UGT2B4: variants seen among roughly 807,000 people sequenced by gnomAD.
UGT2B4 encodes UDP-glucuronosyltransferase 2B4.
Under a neutral mutation model 49.8 loss-of-function variants are expected in UGT2B4, and 49 were observed. The observed-to-expected ratio is 0.98, with a 90% confidence interval of 0.78 to 1.25. The LOEUF is 1.25. Ranked by LOEUF, UGT2B4 falls within the 50% of genes most tolerant of loss-of-function variation. The pLI, the probability that UGT2B4 is intolerant of heterozygous loss-of-function variation, is 0.00. For synonymous variants in UGT2B4, 246 were observed against 217.7 expected, an observed-to-expected ratio of 1.13 and a Z score of -1.14; for missense variants, 729 against 627.7, an observed-to-expected ratio of 1.16 and a Z score of -1.73.
chr4:69,501,581 T>G (rs754921534), intron 1 of UGT2B4, among the ~76,000 whole-genome samples: 28 of 152,098 alleles, frequency 1.8e-4, no homozygotes, highest in Non-Finnish European at 3.8e-4. Context: ...AGCAGACTGC[T>G]TTTTTAAGTG....
rs888967522 is a variant in UGT2B4, at chr4:69,493,632, T to A, written c.870+61A>T. 3 of 1,517,196 alleles carry A rather than the reference T, an allele frequency of 2.0e-6. No individual in the cohort carries two copies. The African/African-American group carries it at 4.3e-5, about 22-fold the overall frequency. The allele number at this position is 1,517,196 out of a possible 1,614,324, so 94.0% of individuals were successfully genotyped here. A position where few individuals can be genotyped will look rare whatever the true frequency, so the allele number is the denominator to read the frequency against. On this transcript the variant is annotated intron_variant, in intron 2 of 5. Transcript: ENST00000305107. ...TCCAGTGTAAGTCAAACACTTTGAA[T>A]GAATATAGAACCATTCGTACTGAAA...
chr4:69,488,738 C>G (rs1024294153), intron 3 of UGT2B4, among the ~76,000 whole-genome samples: 1 of 151,932 alleles, frequency 6.6e-6, no homozygotes, highest in South Asian at 2.1e-4. Flanking sequence ...ACAGGGTCCA[C>G]CCTCAGAGCA....
At chr4:69,510,105 G>A (rs929716062) in intron 1 of UGT2B4, among the ~76,000 whole-genome samples, 6 of 152,116 alleles carry the variant, frequency 3.9e-5, no homozygotes, top group Non-Finnish European at 8.8e-5. Context: ...TTATTTAAGA[G>A]ACTGACATTC....
intron 1 of UGT2B4, among the ~76,000 whole-genome samples, chr4:69,523,727 G>A (rs1290863776): frequency 6.6e-6 from 1 of 152,038 alleles, no homozygotes; most frequent in Non-Finnish European, 1.5e-5. Context: ...TTAAAGCCAG[G>A]CATTGACTTC....
chr4:69,480,453 T>C lies in UGT2B4; in HGVS notation c.*181A>G. On this transcript the variant is annotated 3_prime_UTR_variant, in exon 6 of 6. Transcript: ENST00000305107. ...TTGTTTTCCCTAATGTTTTCCTCCT[T>C]GACATGAAATATTTCTAATGGTTAA... is the stretch of plus-strand genomic sequence containing the variant. The C allele has an allele frequency of 1.2e-6, 1 of 862,828 alleles. No individual in the cohort carries two copies. Among genetic ancestry groups the C allele is most frequent in the Non-Finnish European group, 1.7e-6 (1 of 584,928 alleles). The allele number at this position is 862,828 out of a possible 1,614,324, so 53.4% of individuals were successfully genotyped here.
At chr4:69,519,504 C>T (rs577965152) in intron 1 of UGT2B4, among the ~76,000 whole-genome samples, 2 of 152,258 alleles carry the variant, frequency 1.3e-5, no homozygotes, top group South Asian at 2.1e-4. Flanking sequence ...ATCTATCTTT[C>T]TGTGAAAGGA....
chr4:69,493,284 T>C (rs1728047058), intron 2 of UGT2B4, among the ~76,000 whole-genome samples: 1 of 152,130 alleles, frequency 6.6e-6, no homozygotes, highest in South Asian at 2.1e-4. Flanking sequence ...TCTCTGGAGA[T>C]AACAGTTTTT....
intron 1 of UGT2B4, among the ~76,000 whole-genome samples, chr4:69,515,491 C>A (rs1191347274): frequency 6.6e-6 from 1 of 152,140 alleles, no homozygotes; most frequent in Non-Finnish European, 1.5e-5. Context: ...GCACCAGAAT[C>A]TCTGGGACAC....
At chr4:69,524,702 A>G (rs1577908713) in intron 1 of UGT2B4, among the ~76,000 whole-genome samples, 1 of 22 alleles carries the variant, frequency 0.045, no homozygotes, top group Admixed American at 0.17. Context: ...AACTTATGAG[A>G]AAAAAAAACC....
chr4:69,525,402 T>C (rs745796436), intron 1 of UGT2B4, among the ~76,000 whole-genome samples: 2 of 152,164 alleles, frequency 1.3e-5, no homozygotes, highest in Non-Finnish European at 2.9e-5. Context: ...GGTTTCTACA[T>C]GAATGATCAA....
chr4:69,495,280 C>T lies in UGT2B4; in HGVS notation c.582G>A (p.Val194=). ...CACTTAGTTCTGACATAACAACAGG[C>T]ACATAGGAAGGAGGGAACAGAAGTC... ...SGGLLFPPSY[V]PVVMSELSDQ... The change falls in exon 1 of 6, where the codon GTG becomes GTA. Residue 194 remains valine (V), a synonymous_variant. Transcript: ENST00000305107. 1 of 1,613,432 alleles carries T rather than the reference C, an allele frequency of 6.2e-7. No homozygotes were observed. Among genetic ancestry groups the T allele is most frequent in the Non-Finnish European group, 8.5e-7 (1 of 1,179,750 alleles).
intron 1 of UGT2B4, among the ~76,000 whole-genome samples, chr4:69,502,089 CTCTCTTTCTTTCTT>C (rs1475381805): frequency 4.8e-5 from 4 of 84,148 alleles, no homozygotes; most frequent in African/African-American, 1.8e-4. Flanking sequence ...CTTTCTTTCT[CTCTCTTTCTTTCTT>C]TCTTTCTTTC....
At chr4:69,493,644 C>T (rs753291575) in intron 2 of UGT2B4, 49 bp downstream of exon 2, 5 of 1,573,232 alleles carry the variant, frequency 3.2e-6, no homozygotes, top group East Asian at 4.6e-5. Flanking sequence ...AATATAGAAC[C>T]ATTCGTACTG....
intron 1 of UGT2B4, among the ~76,000 whole-genome samples, chr4:69,507,009 C>T (rs1210780491): frequency 2.0e-5 from 3 of 152,116 alleles, no homozygotes; most frequent in South Asian, 2.1e-4. Context: ...AAGAGGCCTT[C>T]GATAAAATTC....
chr4:69,485,625 TG>T (rs1727758781), intron 4 of UGT2B4, among the ~76,000 whole-genome samples, 198 bp from the exon 5 acceptor site: 1 of 152,068 alleles, frequency 6.6e-6, no homozygotes, highest in African/African-American at 2.4e-5. Context: ...AACTTCAGAC[TG>T]AAAAAATTAA....
chr4:69,487,428 A>T (rs958347639), intron 3 of UGT2B4, among the ~76,000 whole-genome samples: 1 of 152,168 alleles, frequency 6.6e-6, no homozygotes. Flanking sequence ...AAAGAACAAG[A>T]TCATGTATTT....
chr4:69,506,470 A>C (rs940621410), intron 1 of UGT2B4, among the ~76,000 whole-genome samples: 1 of 152,136 alleles, frequency 6.6e-6, no homozygotes, highest in Admixed American at 6.6e-5. Flanking sequence ...AGAACTACAA[A>C]ATGTAGAATA....
At chr4:69,519,859 G>C (rs544482082) in intron 1 of UGT2B4, among the ~76,000 whole-genome samples, 1 of 152,120 alleles carries the variant, frequency 6.6e-6, no homozygotes, top group African/African-American at 2.4e-5. Flanking sequence ...GTGTAAAACT[G>C]CAGATTCACT....
Position 69,495,714 on chromosome 4 carries a change from C to T in UGT2B4, c.148G>A (p.Gly50Ser), listed in dbSNP as rs1728140164. The T allele has an allele frequency of 6.2e-7, 1 of 1,613,928 alleles. No individual in the cohort carries two copies. The highest frequency in any genetic ancestry group is 8.5e-7 in the Non-Finnish European group (1 of 1,179,972). Residue 50 changes from glycine to serine, a missense_variant, in exon 1 of 6, where the codon GGT becomes AGT. Gly to Ser is a moderately conservative substitution (Grantham distance 56). Transcript: ENST00000305107. ...GATGCCAATACAGTCACCTCATGACCTCTCTGGACAAGTTCATCCAGGATT... is the reference window on the plus strand; with the variant it reads ...GATGCCAATACAGTCACCTCATGACTTCTCTGGACAAGTTCATCCAGGATT... ...KTILDELVQR[G>S]HEVTVLASSA...
Sources: gnomAD v4.1 joint callset for allele counts (sites outside exome capture counted in the v4.1 genomes callset) on GRCh38, gnomAD v4.1.1 for gene constraint, MANE v1.5 for transcripts, NCBI Gene and HGNC (gene_info 2026-07-23, HGNC 2026-07-21) for gene names.